TLK1: variants seen among roughly 807,000 people sequenced by gnomAD.
The protein encoded by TLK1 is serine/threonine-protein kinase tousled-like 1.
A neutral mutation model predicts 105.3 loss-of-function variants in TLK1; 24 were observed. That is an observed-to-expected ratio of 0.23 (90% CI 0.17 to 0.32). The LOEUF is 0.32. Among genes scored for constraint, TLK1 ranks in the 10% least tolerant of loss-of-function variants. The pLI is 1.00. For missense variants in TLK1, 558 were observed against 910.5 expected (o/e 0.61, Z 4.98); for synonymous variants, 321 against 310.4 (o/e 1.03, Z -0.36).
Position 171,146,315 on chromosome 2 carries a change from C to A in TLK1, c.139+13975G>T, listed in dbSNP as rs545004629. ...CTCCAGCCGGGACAACAGAGTGAGACTCTGTAAGAATGTGATTCTTTTGTA... is the reference window on the plus strand; with the variant it reads ...CTCCAGCCGGGACAACAGAGTGAGAATCTGTAAGAATGTGATTCTTTTGTA... On this transcript the variant is annotated intron_variant, in intron 1 of 20. Coordinates refer to ENST00000431350, the MANE Select transcript of TLK1 (RefSeq NM_012290.5). Among the ~76,000 whole-genome samples the A allele has an allele frequency of 1.6e-3, 137 of 83,184 alleles. 4 individuals carry two copies. The South Asian group carries it at 0.037, about 22-fold the overall frequency. 54.6% of individuals were successfully genotyped at this position (83,184 alleles called of 152,430 possible).
chr2:171,175,831 GA>G (rs1367675818), intron 1 of TLK1, among the ~76,000 whole-genome samples: 1 of 152,106 alleles, frequency 6.6e-6, no homozygotes, highest in Non-Finnish European at 1.5e-5. Context: ...CTGCACATTA[GA>G]ATCACCTGAG....
intron 1 of TLK1, among the ~76,000 whole-genome samples, chr2:171,210,021 TA>T (rs1337536695): frequency 6.6e-6 from 1 of 152,196 alleles, no homozygotes; most frequent in Non-Finnish European, 1.5e-5. Context: ...TTGTACCTCC[TA>T]TTAGCTAATC....
At chr2:171,177,997 T>C (rs1032643018) in intron 1 of TLK1, among the ~76,000 whole-genome samples, 4 of 152,050 alleles carry the variant, frequency 2.6e-5, no homozygotes, top group African/African-American at 9.7e-5. Flanking sequence ...TTTCTCCATG[T>C]TGGCCAGGCT....
At chr2:171,142,645 A>G (rs1691626493) in intron 1 of TLK1, among the ~76,000 whole-genome samples, 1 of 151,728 alleles carries the variant, frequency 6.6e-6, no homozygotes, top group South Asian at 2.1e-4. Context: ...CAAATTAAAC[A>G]GAGAGACAAA....
chr2:171,175,736 T>A (rs1224490560), intron 1 of TLK1, among the ~76,000 whole-genome samples: 1 of 152,172 alleles, frequency 6.6e-6, no homozygotes, highest in Non-Finnish European at 1.5e-5. Flanking sequence ...TTCTTAAACC[T>A]CTGTCTTTAT....
At chr2:170,996,888 T>C in intron 19 of TLK1, 128 bp from the exon 20 acceptor site, 1 of 756,064 alleles carries the variant, frequency 1.3e-6, no homozygotes, top group Non-Finnish European at 2.1e-6. Flanking sequence ...CTTCCTCAGT[T>C]ATTTGAAACC....
intron 1 of TLK1, among the ~76,000 whole-genome samples, chr2:171,120,204 G>A (rs1196593953): frequency 4.3e-5 from 6 of 138,498 alleles, no homozygotes; most frequent in South Asian, 2.4e-4. Context: ...AATCGAGGTC[G>A]TACCACTGCA....
chr2:171,129,706 T>C (rs1691015391), intron 1 of TLK1, among the ~76,000 whole-genome samples: 1 of 151,944 alleles, frequency 6.6e-6, no homozygotes, highest in African/African-American at 2.4e-5. Context: ...CCAGGCATGG[T>C]AGTCCGCACC....
chr2:171,103,264 T>TTATATATATATA lies in TLK1; in HGVS notation c.258+14463_258+14474dup, dbSNP rs571890429. ...GTTAAGAAAAAAATTGATCTCAAATTTATATATATATATATATAATTTTTT... is the reference window on the plus strand; with the variant it reads ...GTTAAGAAAAAAATTGATCTCAAATTTATATATATATATATATATATATATATATAATTTTTT... On this transcript the variant is annotated intron_variant, in intron 2 of 20. Coordinates refer to ENST00000431350, the MANE Select transcript of TLK1 (RefSeq NM_012290.5). Among the ~76,000 whole-genome samples the TTATATATATATA allele has an allele frequency of 4.1e-3, 558 of 136,500 alleles. 26 individuals carry two copies. Among genetic ancestry groups the TTATATATATATA allele is most frequent in the African/African-American group, 0.016 (530 of 32,526 alleles). 89.5% of individuals were successfully genotyped at this position (136,500 alleles called of 152,430 possible). A position where few individuals can be genotyped will look rare whatever the true frequency, so the allele number is the denominator to read the frequency against.
At chr2:171,064,286 A>G (rs1415904068) in intron 3 of TLK1, among the ~76,000 whole-genome samples, 1 of 152,154 alleles carries the variant, frequency 6.6e-6, no homozygotes, top group Non-Finnish European at 1.5e-5. Context: ...AGCCTACCAG[A>G]GACATATCCT....
intron 10 of TLK1, 97 bp from the exon 11 acceptor site, chr2:171,046,459 A>G: frequency 7.5e-7 from 1 of 1,332,646 alleles, no homozygotes; most frequent in Non-Finnish European, 1.0e-6. Context: ...AAACCATAAA[A>G]TATACATTCG....
At chr2:171,135,935 C>A (rs1400007143) in intron 1 of TLK1, among the ~76,000 whole-genome samples, 1 of 152,024 alleles carries the variant, frequency 6.6e-6, no homozygotes, top group African/African-American at 2.4e-5. Context: ...AAATGGGAAC[C>A]TTTGTGTACT....
At chr2:171,186,514 C>T (rs1693028002) in intron 1 of TLK1, among the ~76,000 whole-genome samples, 2 of 152,214 alleles carry the variant, frequency 1.3e-5, no homozygotes, top group African/African-American at 2.4e-5. Context: ...CCTATCTGAC[C>T]AAGAATTATC....
chr2:171,143,506 C>CAAAAAAAAAAAAAAA (rs577555732), intron 1 of TLK1, among the ~76,000 whole-genome samples: 3 of 44,304 alleles, frequency 6.8e-5, no homozygotes, highest in Admixed American at 3.9e-4. Flanking sequence ...ACTCTATCTC[C>CAAAAAAAAAAAAAAA]AAAAAAAAAA....
At chr2:171,142,474 C>A (rs73013453) in intron 1 of TLK1, among the ~76,000 whole-genome samples, 19,837 of 152,078 alleles carry the variant, frequency 0.13, 2,195 homozygotes, top group African/African-American at 0.3. Context: ...GTTAGTGTAT[C>A]TGCCTTAACA....
chr2:170,993,264 A>C lies in TLK1; in HGVS notation c.*516T>G, dbSNP rs1170554247. 6.6e-6 allele frequency: 1 copy of C among 152,648 alleles called. No individual in the cohort carries two copies. The highest frequency in any genetic ancestry group is 1.5e-5 in the Non-Finnish European group (1 of 68,044). The allele number at this position is 152,648 out of a possible 1,614,324, so 9.5% of individuals were successfully genotyped here. On this transcript the variant is annotated 3_prime_UTR_variant, in exon 21 of 21. Coordinates refer to ENST00000431350, the MANE Select transcript of TLK1 (RefSeq NM_012290.5). Reference sequence around the variant, plus strand: ...CTCACATTCTATTACTATAAAACACAACTGTCACTGTCATTCAGTTCTTAC... The same window carrying C: ...CTCACATTCTATTACTATAAAACACCACTGTCACTGTCATTCAGTTCTTAC...
chr2:171,220,689 C>A (rs1047146553), intron 1 of TLK1, among the ~76,000 whole-genome samples: 5 of 151,996 alleles, frequency 3.3e-5, no homozygotes, highest in South Asian at 2.1e-4. Context: ...CAAGTTTCCC[C>A]TCACCCATAC....
At chr2:171,162,180 A>G (rs1692520230), upstream of TLK1, among the ~76,000 whole-genome samples, 1 of 152,214 alleles carries the variant, frequency 6.6e-6, no homozygotes, top group South Asian at 2.1e-4. Flanking sequence ...TTCAAACTTA[A>G]GAGGGACATC....
At chr2:171,111,282 G>A (rs900062943) in intron 2 of TLK1, among the ~76,000 whole-genome samples, 1 of 152,076 alleles carries the variant, frequency 6.6e-6, no homozygotes, top group African/African-American at 2.4e-5. Flanking sequence ...CACAGTAAAA[G>A]ATCTCCCCGG....
Sources: gnomAD v4.1 joint callset for allele counts (sites outside exome capture counted in the v4.1 genomes callset) on GRCh38, gnomAD v4.1.1 for gene constraint, MANE v1.5 for transcripts, NCBI Gene and HGNC (gene_info 2026-07-23, HGNC 2026-07-21) for gene names.